SLC25A45: variants seen among roughly 807,000 people sequenced by gnomAD.
SLC25A45 encodes solute carrier family 25 member 45, also known as methylated amino-acid transporter SLC25A45.
Under a neutral mutation model 23.0 loss-of-function variants are expected in SLC25A45, and 22 were observed. The observed-to-expected ratio is 0.95, with a 90% CI of 0.68 to 1.36. The LOEUF (loss-of-function observed/expected upper bound fraction) is 1.36. Ranked by LOEUF, SLC25A45 falls within the 40% of genes most tolerant of loss-of-function variation. SLC25A45 has a pLI of 0.00. For missense variants in SLC25A45, 355 were observed against 383.5 expected (o/e 0.93, Z 0.62); for synonymous variants, 136 against 155.0 (o/e 0.88, Z 0.91).
chr11:65,380,215 G>T, intron 2 of SLC25A45, 40 bp from the exon 3 acceptor site: 1 of 1,613,912 alleles, frequency 6.2e-7, no homozygotes, highest in Non-Finnish European at 8.5e-7. Context: ...GGGCCCTCGT[G>T]CCAGGCCCAG....
chr11:65,376,934 C>A lies in SLC25A45; in HGVS notation c.482G>T (p.Arg161Leu). The change falls in exon 6 of 7, where the codon CGG becomes CTG. Residue 161 changes from arginine (R) to leucine (L), a missense_variant. Physicochemically the swap from Arg to Leu is moderately radical, Grantham distance 102 (BLOSUM62 -2). Coordinates refer to ENST00000398802, the MANE Select transcript of SLC25A45 (RefSeq NM_182556.4). ...AASIFREEGP[R>L]GLFRGAWALT... Reference sequence around the variant, plus strand: ...GGCCCAGGCTCCTCGGAACAGCCCCCGGGGCCCCTCCTCCCGGAAGATGGA... The same window carrying A: ...GGCCCAGGCTCCTCGGAACAGCCCCAGGGGCCCCTCCTCCCGGAAGATGGA... 1 of 1,613,238 alleles carries A rather than the reference C, an allele frequency of 6.2e-7. No homozygotes were observed. Among genetic ancestry groups the A allele is most frequent in the Non-Finnish European group, 8.5e-7 (1 of 1,179,548 alleles).
At chr11:65,377,735 G>A (rs1357508718) in intron 5 of SLC25A45, 1 of 152,824 alleles carries the variant, frequency 6.5e-6, no homozygotes, top group Non-Finnish European at 1.5e-5. Context: ...TGGGGCTGGA[G>A]TCCTGGTGAG....
Position 65,382,207 on chromosome 11 carries a change from C to T in SLC25A45, c.-18-238G>A. On this transcript the variant is annotated intron_variant, in intron 1 of 6. Coordinates refer to ENST00000398802, the MANE Select transcript of SLC25A45 (RefSeq NM_182556.4). This position sits in a 1 kb window ranked among gnomAD's most constrained non-coding sequence, Gnocchi z 4.4. Reference sequence around the variant, plus strand: ...GTGCCGGGACCACAGAGGCCCTGATCCCCGAGCCCGGCCAATGATCCTCGC... The same window carrying T: ...GTGCCGGGACCACAGAGGCCCTGATTCCCGAGCCCGGCCAATGATCCTCGC... The T allele has an allele frequency of 1.8e-6, 1 of 551,268 alleles. No homozygotes were observed. The highest frequency in any genetic ancestry group is 3.3e-6 in the Non-Finnish European group (1 of 305,152). 34.1% of individuals were successfully genotyped at this position (551,268 alleles called of 1,614,324 possible).
Position 65,379,444 on chromosome 11 carries a change from C to T in SLC25A45, c.271G>A (p.Glu91Lys), listed in dbSNP as rs368628188. The T allele has an allele frequency of 4.2e-5, 68 of 1,613,994 alleles. No homozygotes were observed. Among genetic ancestry groups the T allele is most frequent in the East Asian group, 1.6e-4 (7 of 44,890 alleles). The change falls in exon 5 of 7, where the codon GAG (glutamate) becomes AAG (lysine). Residue 91 changes from glutamate to lysine, a missense_variant. Coordinates refer to ENST00000398802, the MANE Select transcript of SLC25A45 (RefSeq NM_182556.4). ...TAGCTGGGCGGCTGGGCCCGCCGCT[C>T]CTGGTGGGAGGTGGCCGTGAGCACC... is the stretch of plus-strand genomic sequence containing the variant. ...LLVLTATSHQ[E>K]RRAQPPSYMH...
rs1358881592 is a variant in SLC25A45, at chr11:65,381,811, C to G, written c.37+104G>C. On this transcript the variant is annotated intron_variant, in intron 2 of 6. Transcript: ENST00000398802. ...GGGCTCAAGTGATCCTCCCGCCAGGCCGGAACTCAGACTTTGGTCTCTGCT... is the reference window on the plus strand; with the variant it reads ...GGGCTCAAGTGATCCTCCCGCCAGGGCGGAACTCAGACTTTGGTCTCTGCT... 13 of 1,437,456 alleles carry G rather than the reference C, an allele frequency of 9.0e-6. No individual in the cohort carries two copies. In the East Asian group the frequency reaches 3.0e-4, roughly 33 times the overall value. 89.0% of individuals were successfully genotyped at this position (1,437,456 alleles called of 1,614,324 possible).
intron 5 of SLC25A45, 79 bp downstream of exon 5, chr11:65,379,297 G>A (rs1590632319): frequency 6.5e-6 from 10 of 1,532,582 alleles, no homozygotes; most frequent in South Asian, 1.1e-5. Flanking sequence ...GCTGTGGGTC[G>A]CCAGGGCAGG....
At position 65,382,094 on chromosome 11, in the gene SLC25A45, T is replaced by TC; in HGVS notation, c.-18-126dup. Reference sequence around the variant, plus strand: ...TGAGAATTGGCCTGGTGCCCAGACCTCCGGCAACTGGCAGAGGAGAGCGAG... The same window carrying TC: ...TGAGAATTGGCCTGGTGCCCAGACCTCCCGGCAACTGGCAGAGGAGAGCGAG... On this transcript the variant is annotated intron_variant, in intron 1 of 6. Coordinates refer to ENST00000398802, the MANE Select transcript of SLC25A45 (RefSeq NM_182556.4). The surrounding 1 kb of genome is among the most constrained non-coding windows in gnomAD (Gnocchi z 4.4). The TC allele has an allele frequency of 1.4e-6, 1 of 740,306 alleles. No homozygotes were observed. The highest frequency in any genetic ancestry group is 2.1e-5 in the Admixed American group (1 of 48,698). 45.9% of individuals were successfully genotyped at this position (740,306 alleles called of 1,614,324 possible).
Position 65,377,022 on chromosome 11 carries a change from C to T in SLC25A45, c.394G>A (p.Glu132Lys). ...GGGCTCCCTGGCTGGGCCCTTGGCTCTGTCTGGTTTTGTAGCCGGACTTTG... is the reference window on the plus strand; with the variant it reads ...GGGCTCCCTGGCTGGGCCCTTGGCTTTGTCTGGTTTTGTAGCCGGACTTTG... The part of the protein sequence containing the change: ...LIKVRLQNQT[E>K]PRAQPGSPPP... Residue 132 changes from glutamate to lysine, a missense_variant, in exon 6 of 7, where the codon GAG becomes AAG. Physicochemically the swap from Glu to Lys is moderately conservative, Grantham distance 56 (BLOSUM62 1). Coordinates refer to ENST00000398802, the MANE Select transcript of SLC25A45 (RefSeq NM_182556.4). 2 of 1,614,016 alleles carry T rather than the reference C, an allele frequency of 1.2e-6. No individual in the cohort carries two copies. Among genetic ancestry groups the T allele is most frequent in the Non-Finnish European group, 1.7e-6 (2 of 1,179,914 alleles).
intron 5 of SLC25A45, chr11:65,377,341 C>T (rs1451979769): frequency 7.5e-6 from 10 of 1,341,364 alleles, no homozygotes; most frequent in South Asian, 3.7e-5. Context: ...GCCTGGCCTA[C>T]AGCAGGCACT....
intron 2 of SLC25A45, 198 bp from the exon 3 acceptor site, chr11:65,380,373 A>G: frequency 2.2e-6 from 2 of 922,740 alleles, no homozygotes. Flanking sequence ...TGGGCCAGGA[A>G]GGCACTGGGA....
At chr11:65,381,646 C>T in intron 2 of SLC25A45, 1 of 417,356 alleles carries the variant, frequency 2.4e-6, no homozygotes, top group African/African-American at 2.1e-5. Flanking sequence ...TAGCTCACTG[C>T]AGCCTTGAAC....
chr11:65,376,256 GC>G lies in SLC25A45; in HGVS notation c.*150del. ...TGGCTTCCGGCTCCCACAGGTGTCTGCCCAGCCCAGATCTGCGCGGGTGGGA... is the reference window on the plus strand; with the variant it reads ...TGGCTTCCGGCTCCCACAGGTGTCTGCCAGCCCAGATCTGCGCGGGTGGGA... On this transcript the variant is annotated 3_prime_UTR_variant, in exon 7 of 7. Transcript: ENST00000398802. 1.0e-6 allele frequency: 1 copy of G among 984,430 alleles called. No individual in the cohort carries two copies. Among genetic ancestry groups the G allele is most frequent in the Non-Finnish European group, 1.5e-6 (1 of 673,272 alleles). 61.0% of individuals were successfully genotyped at this position (984,430 alleles called of 1,614,324 possible).
chr11:65,379,347 CTG>C, intron 5 of SLC25A45, 27 bp downstream of exon 5: 2 of 1,602,598 alleles, frequency 1.2e-6, no homozygotes, highest in Non-Finnish European at 1.7e-6. Flanking sequence ...CCTATGACAC[CTG>C]TGTGTGCCCA....
At chr11:65,380,394 A>G in intron 2 of SLC25A45, 2 of 895,052 alleles carry the variant, frequency 2.2e-6, no homozygotes, top group Non-Finnish European at 3.4e-6. Context: ...CAAGGGACTA[A>G]GACCCCAGGC....
At chr11:65,377,297 G>A in intron 5 of SLC25A45, 1 of 1,399,532 alleles carries the variant, frequency 7.1e-7, no homozygotes, top group Non-Finnish European at 9.2e-7. Flanking sequence ...CCAAGAGTGA[G>A]AGGCACTGCC....
chr11:65,380,386 A>T, intron 2 of SLC25A45: 1 of 911,630 alleles, frequency 1.1e-6, no homozygotes, highest in Non-Finnish European at 1.6e-6. Flanking sequence ...CACTGGGACA[A>T]GGGACTAAGA....
chr11:65,379,686 A>C, intron 4 of SLC25A45, 125 bp from the exon 5 acceptor site: 4 of 1,264,096 alleles, frequency 3.2e-6, no homozygotes, highest in Non-Finnish European at 4.4e-6. Flanking sequence ...AAGTGGGGAC[A>C]GGCAGGGATG....
chr11:65,376,730 C>G, intron 6 of SLC25A45, 55 bp from the exon 7 acceptor site: 1 of 1,613,788 alleles, frequency 6.2e-7, no homozygotes, highest in Non-Finnish European at 8.5e-7. Flanking sequence ...GCATCCTCCC[C>G]AGACCCTAGT....
At chr11:65,377,378 G>C in intron 5 of SLC25A45, 1 of 1,240,580 alleles carries the variant, frequency 8.1e-7, no homozygotes, top group Non-Finnish European at 1.0e-6. Flanking sequence ...TCTTTTTGCA[G>C]GAGCAGGTTG....
Sources: allele counts gnomAD v4.1 joint callset, GRCh38; gene constraint gnomAD v4.1.1; non-coding constraint Gnocchi (gnomAD v3.1); transcripts MANE v1.5; gene names NCBI Gene and HGNC (gene_info 2026-07-23, HGNC 2026-07-21).